The following SORCS2 variants were observed in gnomAD, a reference collection of about 807,000 sequenced individuals.
SORCS2 encodes sortilin related VPS10 domain containing receptor 2, also known as VPS10 domain-containing receptor SorCS2.
A neutral mutation model predicts 141.6 loss-of-function variants in SORCS2; 100 were observed. The ratio of observed to expected loss-of-function variants is 0.71; its 90% CI spans 0.60 to 0.83. The LOEUF is 0.83. SORCS2 is among the 40% of genes least tolerant of loss of function. The probability of loss-of-function intolerance (pLI) is 0.00; values close to 1 mark genes in which losing one functional copy is unlikely to be tolerated. For missense variants in SORCS2, 1,646 were observed against 1,560.2 expected (o/e 1.05, Z -0.93); for synonymous variants, 789 against 676.9 (o/e 1.17, Z -2.57).
chr4:7,320,115 C>A (rs1434740949), intron 1 of SORCS2, among the ~76,000 whole-genome samples: 1 of 150,912 alleles, frequency 6.6e-6, no homozygotes, highest in African/African-American at 2.4e-5. Context: ...CCAGCCTGGG[C>A]AAAATAGCAA....
chr4:7,654,335 G>T (rs569199674), intron 5 of SORCS2, 128 bp downstream of exon 5: 4 of 931,610 alleles, frequency 4.3e-6, no homozygotes, highest in South Asian at 1.6e-5. Context: ...CCCGGGGCTG[G>T]GTCCCCACCG....
intron 2 of SORCS2, among the ~76,000 whole-genome samples, chr4:7,451,869 C>T (rs923173771): frequency 1.3e-5 from 2 of 152,236 alleles, no homozygotes; most frequent in Admixed American, 1.3e-4. Flanking sequence ...AAGGCTGGGT[C>T]TGAACATTCC....
At chr4:7,620,148 G>T (rs1054737558) in intron 3 of SORCS2, among the ~76,000 whole-genome samples, 8 of 152,122 alleles carry the variant, frequency 5.3e-5, no homozygotes, top group Non-Finnish European at 2.9e-5. Flanking sequence ...CTCTTCTGCG[G>T]ATTGCGATCT....
intron 3 of SORCS2, among the ~76,000 whole-genome samples, chr4:7,610,561 G>A (rs1361780117): frequency 1.2e-4 from 18 of 152,220 alleles, no homozygotes; most frequent in Admixed American, 5.9e-4. Context: ...CCGGGCCATA[G>A]CTGAGGTCTT....
intron 3 of SORCS2, among the ~76,000 whole-genome samples, chr4:7,586,661 C>A (rs547754615): frequency 6.6e-6 from 1 of 152,288 alleles, no homozygotes; most frequent in Non-Finnish European, 1.5e-5. Flanking sequence ...GACATGAACT[C>A]ATTCCTTTTT....
intron 17 of SORCS2, 41 bp from the exon 18 acceptor site, chr4:7,717,971 A>G: frequency 6.5e-7 from 1 of 1,535,538 alleles, no homozygotes; most frequent in South Asian, 1.3e-5. Context: ...ATCCCTTGCC[A>G]CCTGTCTGAA....
At chr4:7,699,582 T>C (rs900674156) in intron 12 of SORCS2, among the ~76,000 whole-genome samples, 9 of 151,828 alleles carry the variant, frequency 5.9e-5, no homozygotes, top group Non-Finnish European at 1.3e-4. Flanking sequence ...AGCAGCCCCA[T>C]CTCTCTCGGG....
At chr4:7,524,561 G>A (rs1733541771) in intron 2 of SORCS2, among the ~76,000 whole-genome samples, 1 of 151,984 alleles carries the variant, frequency 6.6e-6, no homozygotes, top group Non-Finnish European at 1.5e-5. Flanking sequence ...CACAGGAAGA[G>A]GTCAACAGGC....
At chr4:7,277,932 C>T (rs746606491) in intron 1 of SORCS2, among the ~76,000 whole-genome samples, 32 of 152,184 alleles carry the variant, frequency 2.1e-4, no homozygotes, top group Non-Finnish European at 3.7e-4. Context: ...TACCCACTGG[C>T]CCTGGACATT....
intron 5 of SORCS2, among the ~76,000 whole-genome samples, chr4:7,656,737 G>A (rs1056418337): frequency 1.3e-5 from 2 of 152,176 alleles, no homozygotes; most frequent in African/African-American, 2.4e-5. Flanking sequence ...CTCTCCATTC[G>A]CTCCAGGCCT....
chr4:7,597,200 G>A (rs1352223683), intron 3 of SORCS2, among the ~76,000 whole-genome samples: 2 of 151,062 alleles, frequency 1.3e-5, no homozygotes, highest in Non-Finnish European at 3.0e-5. Context: ...AATGGAAGAG[G>A]GGGCTATTGC....
intron 12 of SORCS2, among the ~76,000 whole-genome samples, chr4:7,699,967 G>T (rs1194345431): frequency 2.0e-5 from 3 of 152,180 alleles, no homozygotes; most frequent in African/African-American, 7.2e-5. Context: ...AAGGGAATGT[G>T]CTCTTGTGAC....
At chr4:7,425,132 G>A (rs1351725525) in intron 2 of SORCS2, among the ~76,000 whole-genome samples, 1 of 152,202 alleles carries the variant, frequency 6.6e-6, no homozygotes, top group Admixed American at 6.5e-5. Flanking sequence ...ACGACCCAGA[G>A]CCTCAGATCC....
chr4:7,314,487 C>A (rs1002998696), intron 1 of SORCS2, among the ~76,000 whole-genome samples: 4 of 151,062 alleles, frequency 2.6e-5, no homozygotes, highest in Admixed American at 6.6e-5. Flanking sequence ...CTACAGGCGC[C>A]CGCCACCACG....
chr4:7,404,687 T>C (rs953659285), intron 2 of SORCS2, among the ~76,000 whole-genome samples: 2 of 152,224 alleles, frequency 1.3e-5, no homozygotes, highest in Non-Finnish European at 2.9e-5. Flanking sequence ...TTGCCCACTT[T>C]TAAATATGAT....
chr4:7,366,995 G>A (rs572811139), intron 1 of SORCS2, among the ~76,000 whole-genome samples: 2 of 152,328 alleles, frequency 1.3e-5, no homozygotes, highest in East Asian at 3.9e-4. Context: ...GATGGATATA[G>A]GCTAGTGCAG....
At chr4:7,289,608 T>C (rs1716475212) in intron 1 of SORCS2, among the ~76,000 whole-genome samples, 1 of 151,890 alleles carries the variant, frequency 6.6e-6, no homozygotes, top group African/African-American at 2.4e-5. Context: ...CGAGCTGCAG[T>C]TAATAAAGCC....
chr4:7,309,274 G>A (rs144141266), intron 1 of SORCS2, among the ~76,000 whole-genome samples: 13 of 152,346 alleles, frequency 8.5e-5, no homozygotes, highest in Non-Finnish European at 1.8e-4. Context: ...AGATGCCACT[G>A]GTGATGGAGC....
intron 1 of SORCS2, among the ~76,000 whole-genome samples, chr4:7,371,983 C>G (rs1722280864): frequency 6.6e-6 from 1 of 152,162 alleles, no homozygotes; most frequent in South Asian, 2.1e-4. Context: ...GATGCCTATC[C>G]TGGCAGCTGG....
Sources: gnomAD v4.1 joint callset for allele counts (sites outside exome capture counted in the v4.1 genomes callset) on GRCh38, gnomAD v4.1.1 for gene constraint, MANE v1.5 for transcripts, NCBI Gene and HGNC (gene_info 2026-07-23, HGNC 2026-07-21) for gene names.